UBQLN1: variants seen among roughly 807,000 people sequenced by gnomAD.
UBQLN1 encodes ubiquilin 1.
A neutral mutation model predicts 65.4 loss-of-function variants in UBQLN1; 13 were observed. The observed-to-expected ratio is 0.20, with a 90% CI of 0.13 to 0.32. UBQLN1 has a LOEUF of 0.32. Ranked by LOEUF, UBQLN1 falls within the 10% of genes least tolerant of loss-of-function variation. The pLI, the probability that UBQLN1 is intolerant of heterozygous loss-of-function variation, is 1.00. For synonymous variants in UBQLN1, 267 were observed against 247.8 expected (o/e 1.08, Z -0.73); for missense variants, 561 against 724.0 (o/e 0.77, Z 2.58).
rs1211197956 is a variant in UBQLN1 at position 83,707,635 on chromosome 9, A to C, written c.45T>G (p.Asp15Glu). 8 of 1,575,538 alleles carry C rather than the reference A, an allele frequency of 5.1e-6. No individual in the cohort carries two copies. The highest frequency in any genetic ancestry group is 6.0e-6 in the Non-Finnish European group (7 of 1,161,404). ...CAGCACCTTCGGCTCCGGCGGCGCT[A>C]TCCTGGGAGCCCGGAGGACCGCCGC... is the stretch of plus-strand genomic sequence containing the variant. ...GESGGPPGSQDSAAGAEGAGA... is the reference protein window; with the variant it reads ...GESGGPPGSQESAAGAEGAGA... The change falls in exon 1 of 11, where the codon GAT becomes GAG. Residue 15 changes from aspartate (D) to glutamate (E), a missense_variant. Coordinates refer to ENST00000376395, the MANE Select transcript of UBQLN1 (RefSeq NM_013438.5).
intron 6 of UBQLN1, among the ~76,000 whole-genome samples, chr9:83,675,501 T>A (rs998016152): frequency 6.6e-6 from 1 of 151,532 alleles, no homozygotes; most frequent in African/African-American, 2.4e-5. Context: ...AAGCAAGACC[T>A]CCATTCTCAC....
rs192738986 is a variant in UBQLN1 at position 83,690,086 on chromosome 9, G to A, written c.181-3931C>T. Among the ~76,000 whole-genome samples the A allele has an allele frequency of 8.4e-4, 128 of 152,248 alleles. 1 individual carries two copies. Among genetic ancestry groups the A allele is most frequent in the Non-Finnish European group, 1.6e-3 (107 of 68,022 alleles). On this transcript the variant is annotated intron_variant, in intron 1 of 10. Transcript: ENST00000376395. ...ATTTTGCAACAGAAGTTGAACATAT[G>A]CTTACCCTATGACCCAACAATTCCA...
intron 3 of UBQLN1, 27 bp from the exon 4 acceptor site, chr9:83,680,064 C>A: frequency 6.4e-7 from 1 of 1,571,036 alleles, no homozygotes; most frequent in Non-Finnish European, 8.6e-7. Context: ...CAAAAACATA[C>A]AAATCAAAGT....
In UBQLN1 at chr9:83,660,972, C is replaced by T. The variant is rs1831553419; in HGVS notation, c.*815G>A. On this transcript the variant is annotated 3_prime_UTR_variant, in exon 11 of 11. Coordinates refer to ENST00000376395, the MANE Select transcript of UBQLN1 (RefSeq NM_013438.5). ...CTAGGCAAATGCACTTTGGGGTATA[C>T]TACAGTGTTCCTTCAGTCTGCACAA... is the stretch of plus-strand genomic sequence containing the variant. 6.6e-6 allele frequency: 1 copy of T among 152,314 alleles called. No individual in the cohort carries two copies. The allele number at this position is 152,314 out of a possible 1,614,324, so 9.4% of individuals were successfully genotyped here.
intron 7 of UBQLN1, chr9:83,668,921 C>T (rs887897357): frequency 6.5e-5 from 24 of 367,442 alleles, no homozygotes; most frequent in African/African-American, 5.0e-4. Flanking sequence ...GTACTTGTCT[C>T]CTAACTCAAC....
Position 83,680,050 on chromosome 9 carries a change from A to G in UBQLN1, c.449-13T>C. The G allele has an allele frequency of 1.3e-6, 2 of 1,597,074 alleles. No homozygotes were observed. Among genetic ancestry groups the G allele is most frequent in the Non-Finnish European group, 8.5e-7 (1 of 1,169,780 alleles). On this transcript the variant is annotated splice_polypyrimidine_tract_variant and intron_variant, in intron 3 of 10. Coordinates refer to ENST00000376395, the MANE Select transcript of UBQLN1 (RefSeq NM_013438.5). ...CCCCCAAGGCCACCTAAGAGGATAA[A>G]GGGCAAAAACATACAAATCAAAGTC...
intron 1 of UBQLN1, among the ~76,000 whole-genome samples, chr9:83,690,799 C>T (rs1321486280): frequency 6.6e-6 from 1 of 151,952 alleles, no homozygotes; most frequent in Non-Finnish European, 1.5e-5. Context: ...GCCAGCTCTC[C>T]TTAGTATTTC....
chr9:83,683,428 A>AAG (rs1234628937), intron 2 of UBQLN1, among the ~76,000 whole-genome samples: 3 of 151,342 alleles, frequency 2.0e-5, no homozygotes, highest in Non-Finnish European at 4.4e-5. Flanking sequence ...AAAAAAAAAA[A>AAG]AAAAAAAAGA....
intron 1 of UBQLN1, among the ~76,000 whole-genome samples, chr9:83,695,613 A>T (rs1025647057): frequency 2.1e-5 from 2 of 95,610 alleles, no homozygotes; most frequent in Non-Finnish European, 4.2e-5. Context: ...AGAGAGCTTT[A>T]AAGAGTTAAA....
chr9:83,665,045 G>C lies in UBQLN1; in HGVS notation c.1433C>G (p.Pro478Arg), dbSNP rs1348108853. ...QGLQTLATEA[P>R]GLIPGFTPGL... ...ATAAGCCTACCCTGGGATGAGGCCCGGGGCTTCCGTTGCTAATGTCTGTAA... is the reference window on the plus strand; with the variant it reads ...ATAAGCCTACCCTGGGATGAGGCCCCGGGCTTCCGTTGCTAATGTCTGTAA... Residue 478 changes from proline to arginine, a missense_variant, in exon 9 of 11, where the codon CCG becomes CGG. Pro to Arg is a moderately radical substitution (Grantham distance 103, BLOSUM62 -2). Transcript: ENST00000376395. The C allele has an allele frequency of 1.2e-6, 2 of 1,612,366 alleles. No individual in the cohort carries two copies. The highest frequency in any genetic ancestry group is 1.1e-5 in the South Asian group (1 of 90,842).
chr9:83,664,926 A>AG, intron 9 of UBQLN1, 104 bp downstream of exon 9: 1 of 368,640 alleles, frequency 2.7e-6, no homozygotes, highest in South Asian at 5.8e-5. Context: ...ATCCCACCAA[A>AG]AAAAAAAAAA....
At chr9:83,678,374 A>G in intron 5 of UBQLN1, 67 bp downstream of exon 5, 1 of 1,524,686 alleles carries the variant, frequency 6.6e-7, no homozygotes, top group Non-Finnish European at 8.8e-7. Context: ...GCTACCCTCA[A>G]TCATACACAT....
At chr9:83,680,122 G>A (rs887469216) in intron 3 of UBQLN1, 85 bp from the exon 4 acceptor site, 1 of 1,369,788 alleles carries the variant, frequency 7.3e-7, no homozygotes, top group Non-Finnish European at 9.9e-7. Context: ...ATGCAAAAAA[G>A]TATTAGCTGA....
chr9:83,704,775 G>A (rs7860614), intron 1 of UBQLN1, among the ~76,000 whole-genome samples: 40,014 of 139,962 alleles, frequency 0.29, 6,692 homozygotes, highest in East Asian at 0.85. Context: ...GCAGTGAGCC[G>A]ACACCATGCC....
chr9:83,706,314 T>TC (rs1202789083), intron 1 of UBQLN1, among the ~76,000 whole-genome samples: 2 of 152,232 alleles, frequency 1.3e-5, no homozygotes, highest in Non-Finnish European at 2.9e-5. Flanking sequence ...TGTATCCACT[T>TC]CCCAATTCTT....
intron 6 of UBQLN1, among the ~76,000 whole-genome samples, chr9:83,670,113 T>G (rs986848048): frequency 6.6e-6 from 1 of 152,184 alleles, no homozygotes; most frequent in Non-Finnish European, 1.5e-5. Context: ...ACTGTATATT[T>G]AGGCAAATTT....
intron 1 of UBQLN1, among the ~76,000 whole-genome samples, chr9:83,702,387 G>A (rs1047152165): frequency 4.6e-5 from 7 of 151,950 alleles, no homozygotes; most frequent in African/African-American, 1.7e-4. Context: ...TCCAGTATTA[G>A]AACAAAGCAA....
intron 1 of UBQLN1, among the ~76,000 whole-genome samples, chr9:83,702,924 A>G (rs1396215968): frequency 1.3e-5 from 2 of 152,230 alleles, no homozygotes; most frequent in Admixed American, 1.3e-4. Flanking sequence ...GGCACTTTCT[A>G]AAACCAGAGT....
At chr9:83,682,921 AT>A (rs774256272) in intron 3 of UBQLN1, 29 bp downstream of exon 3, 1 of 1,320,326 alleles carries the variant, frequency 7.6e-7, no homozygotes, top group East Asian at 2.5e-5. Flanking sequence ...ATTTTTTCCC[AT>A]CCCTACTGGA....
Sources: gnomAD v4.1 joint callset for allele counts (sites outside exome capture counted in the v4.1 genomes callset) on GRCh38, gnomAD v4.1.1 for gene constraint, MANE v1.5 for transcripts, NCBI Gene and HGNC (gene_info 2026-07-23, HGNC 2026-07-21) for gene names.